The following IGF2BP3 variants were observed in gnomAD, a reference collection of about 807,000 sequenced individuals.
IGF2BP3 encodes the protein insulin like growth factor 2 mRNA binding protein 3, also known as insulin-like growth factor 2 mRNA-binding protein 3.
In IGF2BP3, 9 loss-of-function variants were observed where a neutral mutation model predicts 73.8. The ratio of observed to expected loss-of-function variants is 0.12; its 90% CI spans 0.07 to 0.21. The LOEUF (loss-of-function observed/expected upper bound fraction) is 0.21, where lower values mean the gene tolerates loss of function less well. Among genes scored for constraint, IGF2BP3 ranks in the 10% least tolerant of loss-of-function variants. The probability of loss-of-function intolerance (pLI) is 1.00; values close to 1 mark genes in which losing one functional copy is unlikely to be tolerated. For synonymous variants in IGF2BP3, 258 were observed against 256.7 expected (o/e 1.01, Z -0.05); for missense variants, 542 against 714.0 (o/e 0.76, Z 2.75).
intron 9 of IGF2BP3, 35 bp from the exon 10 acceptor site, chr7:23,342,224 TAAAAG>T (rs994509047): frequency 6.2e-7 from 1 of 1,610,670 alleles, no homozygotes; most frequent in Non-Finnish European, 8.5e-7. Context: ...ATTTGACAAT[TAAAAG>T]AATCAAGGGA....
intron 3 of IGF2BP3, among the ~76,000 whole-genome samples, chr7:23,367,621 G>A (rs4265084): frequency 2.0e-5 from 3 of 151,938 alleles, no homozygotes; most frequent in African/African-American, 2.4e-5. Context: ...GCAAAGTAAA[G>A]CCTCATAGAA....
At chr7:23,430,447 T>C (rs1286027592) in intron 2 of IGF2BP3, among the ~76,000 whole-genome samples, 1 of 152,214 alleles carries the variant, frequency 6.6e-6, no homozygotes, top group Non-Finnish European at 1.5e-5. Context: ...AGCCAAGCCT[T>C]ATGGCTCAAA....
chr7:23,346,775 T>G (rs902690801), intron 7 of IGF2BP3, among the ~76,000 whole-genome samples: 1 of 152,020 alleles, frequency 6.6e-6, no homozygotes, highest in South Asian at 2.1e-4. Context: ...GTATTTTCAG[T>G]AGAGACGGGG....
chr7:23,346,272 GTTC>G, intron 7 of IGF2BP3: 1 of 492,622 alleles, frequency 2.0e-6, no homozygotes, highest in East Asian at 3.5e-5. Flanking sequence ...TTCTAAAATA[GTTC>G]TTATTTTATT....
intron 2 of IGF2BP3, among the ~76,000 whole-genome samples, chr7:23,436,049 C>G (rs955901018): frequency 5.3e-5 from 8 of 152,186 alleles, no homozygotes; most frequent in Admixed American, 2.0e-4. Context: ...GAGCCACATG[C>G]CCGGCCAACA....
intron 2 of IGF2BP3, among the ~76,000 whole-genome samples, chr7:23,451,674 C>G (rs1435899380): frequency 6.6e-6 from 1 of 152,032 alleles, no homozygotes; most frequent in Non-Finnish European, 1.5e-5. Context: ...TAGGGCTGGG[C>G]ACGGTGGCTC....
At chr7:23,394,869 T>TG (rs1786398900) in intron 3 of IGF2BP3, among the ~76,000 whole-genome samples, 1 of 152,204 alleles carries the variant, frequency 6.6e-6, no homozygotes, top group African/African-American at 2.4e-5. Flanking sequence ...AAAGATACCA[T>TG]GTAAATTATC....
intron 10 of IGF2BP3, among the ~76,000 whole-genome samples, chr7:23,337,636 A>G (rs1471767286): frequency 6.6e-6 from 1 of 152,222 alleles, no homozygotes; most frequent in African/African-American, 2.4e-5. Context: ...CATGAGGCAA[A>G]CAGAAGTATG....
rs144030785 is a variant in IGF2BP3 at position 23,388,421 on chromosome 7, A to G, written c.286-26680T>C. Among the ~76,000 whole-genome samples the G allele has an allele frequency of 6.9e-3, 1,055 of 152,338 alleles. 18 individuals are homozygous for G. The highest frequency in any genetic ancestry group is 0.024 in the African/African-American group (984 of 41,584). ...AGGAGGAAAAAACCAAAACTTTTTCATACGCATATGGAAGTGCACAAAAGC... is the reference window on the plus strand; with the variant it reads ...AGGAGGAAAAAACCAAAACTTTTTCGTACGCATATGGAAGTGCACAAAAGC... On this transcript the variant is annotated intron_variant, in intron 3 of 14. Transcript: ENST00000258729.
chr7:23,385,445 G>A (rs1409130268), intron 3 of IGF2BP3, among the ~76,000 whole-genome samples: 2 of 152,154 alleles, frequency 1.3e-5, no homozygotes, highest in Non-Finnish European at 2.9e-5. Context: ...ATGAGACATA[G>A]CCTGGACATT....
chr7:23,325,203 T>A (rs974860082), intron 10 of IGF2BP3, among the ~76,000 whole-genome samples: 3 of 152,180 alleles, frequency 2.0e-5, no homozygotes, highest in African/African-American at 7.2e-5. Flanking sequence ...CTCCTTAAGC[T>A]GATAAGCAAC....
intron 5 of IGF2BP3, among the ~76,000 whole-genome samples, chr7:23,351,803 TG>T (rs1784970075): frequency 1.3e-5 from 2 of 152,012 alleles, no homozygotes; most frequent in Non-Finnish European, 2.9e-5. Flanking sequence ...ACAGGCACAG[TG>T]GGGAAAAAGA....
chr7:23,458,695 C>A (rs1013007805), intron 2 of IGF2BP3, among the ~76,000 whole-genome samples: 5 of 152,166 alleles, frequency 3.3e-5, no homozygotes, highest in Non-Finnish European at 7.3e-5. Context: ...CAAAAAAAGT[C>A]TCATTTTTCT....
intron 2 of IGF2BP3, among the ~76,000 whole-genome samples, chr7:23,456,215 G>A (rs1279868280): frequency 7.7e-6 from 1 of 130,606 alleles, no homozygotes; most frequent in African/African-American, 2.9e-5. Context: ...TGCAAAACCA[G>A]CTGGAAAAAA....
intron 10 of IGF2BP3, 106 bp downstream of exon 10, chr7:23,341,958 A>G: frequency 8.1e-7 from 1 of 1,235,612 alleles, no homozygotes; most frequent in Non-Finnish European, 1.1e-6. Context: ...TCCATTAGCA[A>G]GAACTGGAGA....
chr7:23,377,153 C>T lies in IGF2BP3; in HGVS notation c.286-15412G>A, dbSNP rs118111412. ...AAAGAAAAGAACAAAAAAATAAAAC[C>T]TTTGTGCTTCAAAGAACACTATCAA... On this transcript the variant is annotated intron_variant, in intron 3 of 14. Coordinates refer to ENST00000258729, the MANE Select transcript of IGF2BP3 (RefSeq NM_006547.3). Among the ~76,000 whole-genome samples, 187 of 151,926 alleles carry T rather than the reference C, an allele frequency of 1.2e-3. 6 individuals are homozygous for T. In the East Asian group the frequency reaches 0.029, roughly 24 times the overall value.
intron 2 of IGF2BP3, among the ~76,000 whole-genome samples, chr7:23,447,827 A>G (rs1198391099): frequency 6.6e-6 from 1 of 152,102 alleles, no homozygotes; most frequent in Non-Finnish European, 1.5e-5. Context: ...AATAAAATTT[A>G]AAAATTAGCC....
chr7:23,429,153 G>A (rs1340439803), intron 2 of IGF2BP3, among the ~76,000 whole-genome samples: 1 of 152,136 alleles, frequency 6.6e-6, no homozygotes. Flanking sequence ...TTCCAAGCCA[G>A]AGCTAGAAAA....
At chr7:23,447,443 G>A (rs1398429660) in intron 2 of IGF2BP3, among the ~76,000 whole-genome samples, 3 of 151,826 alleles carry the variant, frequency 2.0e-5, no homozygotes, top group Non-Finnish European at 4.4e-5. Context: ...GGCCAACATG[G>A]TAAAATCCCG....
Sources: gnomAD v4.1 joint callset for allele counts (sites outside exome capture counted in the v4.1 genomes callset) on GRCh38, gnomAD v4.1.1 for gene constraint, MANE v1.5 for transcripts, NCBI Gene and HGNC (gene_info 2026-07-23, HGNC 2026-07-21) for gene names.